The following CKAP4 variants were observed in gnomAD, a reference collection of about 807,000 sequenced individuals.
CKAP4 encodes the protein cytoskeleton associated protein 4.
CKAP4 carries 20 observed loss-of-function variants against 24.4 expected under a neutral mutation model. The observed-to-expected ratio is 0.82, with a 90% CI of 0.58 to 1.19. The LOEUF (loss-of-function observed/expected upper bound fraction) is 1.19, where lower values mean the gene tolerates loss of function less well. Ranked by LOEUF, CKAP4 falls within the 50% of genes most tolerant of loss-of-function variation. The probability of loss-of-function intolerance (pLI) is 0.00; values close to 1 mark genes in which losing one functional copy is unlikely to be tolerated. For synonymous variants in CKAP4, 378 were observed against 351.7 expected, an observed-to-expected ratio of 1.07 and a Z score of -0.84; for missense variants, 744 against 765.3, an observed-to-expected ratio of 0.97 and a Z score of 0.33.
chr12:106,238,661 CCT>C lies in CKAP4; in HGVS notation c.*361_*362del. On this transcript the variant is annotated 3_prime_UTR_variant, in exon 2 of 2. Coordinates refer to ENST00000378026, the MANE Select transcript of CKAP4 (RefSeq NM_006825.4). ...GAAAGAAAAGGGTCCCCCCAACCCACCTTTTTTTTTTTTTTACTTGAAATCTG... is the reference window on the plus strand; with the variant it reads ...GAAAGAAAAGGGTCCCCCCAACCCACTTTTTTTTTTTTTACTTGAAATCTG... 1 of 183,538 alleles carries C rather than the reference CCT, an allele frequency of 5.4e-6. No homozygotes were observed. The highest frequency in any genetic ancestry group is 1.1e-5 in the Non-Finnish European group (1 of 90,106). 11.4% of individuals were successfully genotyped at this position (183,538 alleles called of 1,614,324 possible).
chr12:106,238,124 G>A lies in CKAP4; in HGVS notation c.*900C>T, dbSNP rs533664199. On this transcript the variant is annotated 3_prime_UTR_variant, in exon 2 of 2. Coordinates refer to ENST00000378026, the MANE Select transcript of CKAP4 (RefSeq NM_006825.4). ...CAGTATGCACGCTCCTTGCCGACAG[G>A]GCTGCCCAGACGGCAAACCTCTTCA... The A allele has an allele frequency of 6.6e-6, 1 of 151,512 alleles. No homozygotes were observed. Among genetic ancestry groups the A allele is most frequent in the Non-Finnish European group, 1.5e-5 (1 of 67,864 alleles). The allele number at this position is 151,512 out of a possible 1,614,324, so 9.4% of individuals were successfully genotyped here. A position where few individuals can be genotyped will look rare whatever the true frequency, so the allele number is the denominator to read the frequency against.
chr12:106,240,469 C>T, intron 1 of CKAP4, 120 bp from the exon 2 acceptor site: 1 of 1,173,024 alleles, frequency 8.5e-7, no homozygotes, highest in Non-Finnish European at 1.2e-6. Context: ...CCACAATTTT[C>T]CTTTGGAGAA....
Position 106,247,774 on chromosome 12 carries a change from C to T in CKAP4, c.78G>A (p.Ser26=). The change falls in exon 1 of 2, where the codon TCG becomes TCA. Residue 26 remains serine (S), a synonymous_variant. Transcript: ENST00000378026. This position sits in a 1 kb window ranked among gnomAD's most constrained non-coding sequence, Gnocchi z 4.5. ...TCTTCGCCACGTCATCCGCGCCGCC[C>T]GACGGGTGGGCACCCTTCTCCGAGG... is the stretch of plus-strand genomic sequence containing the variant. The part of the protein sequence containing the change: ...ASPSEKGAHP[S]GGADDVAKKP... 1 of 1,057,328 alleles carries T rather than the reference C, an allele frequency of 9.5e-7. No individual in the cohort carries two copies. Among genetic ancestry groups the T allele is most frequent in the Non-Finnish European group, 1.1e-6 (1 of 881,514 alleles). The allele number at this position is 1,057,328 out of a possible 1,614,324, so 65.5% of individuals were successfully genotyped here. A position where few individuals can be genotyped will look rare whatever the true frequency, so the allele number is the denominator to read the frequency against.
intron 1 of CKAP4, among the ~76,000 whole-genome samples, chr12:106,245,387 T>C (rs1284856969): frequency 1.3e-5 from 2 of 152,100 alleles, no homozygotes; most frequent in South Asian, 2.1e-4. Flanking sequence ...TTAATAAATA[T>C]TATGATTGAC....
chr12:106,239,495 C>T lies in CKAP4; in HGVS notation c.1338G>A (p.Gln446=). 6.2e-7 allele frequency: 1 copy of T among 1,608,226 alleles called. No individual in the cohort carries two copies. The highest frequency in any genetic ancestry group is 8.5e-7 in the Non-Finnish European group (1 of 1,179,582). Residue 446 remains glutamine (Q), a synonymous_variant, in exon 2 of 2, where the codon CAG becomes CAA. Transcript: ENST00000378026. The surrounding 1 kb of genome is among the most constrained non-coding windows in gnomAD (Gnocchi z 4.9). ...GGCGCCCCTGCAGGGCGGCCAGGCGCTGCTCGTGCTCCTGGCTCTTGGACA... is the reference window on the plus strand; with the variant it reads ...GGCGCCCCTGCAGGGCGGCCAGGCGTTGCTCGTGCTCCTGGCTCTTGGACA... ...SLLSKSQEHE[Q]RLAALQGRLE...
chr12:106,240,488 C>T, intron 1 of CKAP4, 139 bp from the exon 2 acceptor site: 1 of 937,914 alleles, frequency 1.1e-6, no homozygotes, highest in Non-Finnish European at 1.6e-6. Flanking sequence ...AAACATCCTT[C>T]CACATATAGT....
chr12:106,247,522 A>G lies in CKAP4; in HGVS notation c.330T>C (p.Phe110=), dbSNP rs1360144538. ...CCGCCACCAGGGCGAGGTAGAAGAG[A>G]AAGTTGAGCGCCCTGCCGAGCCTGC... The part of the protein sequence containing the change: ...CSRRLGRALN[F]LFYLALVAAA... The change falls in exon 1 of 2, where the codon TTT becomes TTC. Residue 110 remains phenylalanine (F), a synonymous_variant. Coordinates refer to ENST00000378026, the MANE Select transcript of CKAP4 (RefSeq NM_006825.4). This position sits in a 1 kb window ranked among gnomAD's most constrained non-coding sequence, Gnocchi z 4.5. 5.9e-6 allele frequency: 9 copies of G among 1,533,498 alleles called. No individual in the cohort carries two copies. In the African/African-American group the frequency reaches 7.0e-5, roughly 12 times the overall value. 95.0% of individuals were successfully genotyped at this position (1,533,498 alleles called of 1,614,324 possible).
rs1006379256 is a variant in CKAP4, at chr12:106,238,936, G to A, written c.*88C>T. The A allele has an allele frequency of 7.0e-7, 1 of 1,425,268 alleles. No individual in the cohort carries two copies. Among genetic ancestry groups the A allele is most frequent in the Admixed American group, 1.9e-5 (1 of 53,264 alleles). The allele number at this position is 1,425,268 out of a possible 1,614,324, so 88.3% of individuals were successfully genotyped here. ...CTCTTTAAGAGGGGACAAGAAATTG[G>A]GGGGTAGGGGACACATGGGAAAAAA... On this transcript the variant is annotated 3_prime_UTR_variant, in exon 2 of 2. Transcript: ENST00000378026.
At chr12:106,241,581 C>T (rs2033971587) in intron 1 of CKAP4, among the ~76,000 whole-genome samples, 1 of 152,162 alleles carries the variant, frequency 6.6e-6, no homozygotes, top group Non-Finnish European at 1.5e-5. Flanking sequence ...GATCCGCCCG[C>T]CTCGGCCTCC....
At chr12:106,242,506 A>G (rs1448224950) in intron 1 of CKAP4, among the ~76,000 whole-genome samples, 1 of 152,190 alleles carries the variant, frequency 6.6e-6, no homozygotes, top group Non-Finnish European at 1.5e-5. Flanking sequence ...ATAGGTCTCT[A>G]AAGTGCTGTC....
rs2033923505 is a variant in CKAP4, at chr12:106,238,014, C to CTTTTTTTTTTT, written c.*1009_*1010insAAAAAAAAAAA. ...CGGGTTTTTTTTTTTTTTTTTTTTT[C>CTTTTTTTTTTT]AATTTTTTTTGGAAGGGCAAGACAG... On this transcript the variant is annotated 3_prime_UTR_variant, in exon 2 of 2. Coordinates refer to ENST00000378026, the MANE Select transcript of CKAP4 (RefSeq NM_006825.4). The CTTTTTTTTTTT allele has an allele frequency of 4.8e-5, 1 of 20,670 alleles. No homozygotes were observed. The highest frequency in any genetic ancestry group is 8.4e-5 in the Non-Finnish European group (1 of 11,928). 1.3% of individuals were successfully genotyped at this position (20,670 alleles called of 1,614,324 possible). A position where few individuals can be genotyped will look rare whatever the true frequency, so the allele number is the denominator to read the frequency against.
Position 106,247,573 on chromosome 12 carries a change from G to A in CKAP4, c.279C>T (p.Ala93=), listed in dbSNP as rs2034024420. 7.0e-7 allele frequency: 1 copy of A among 1,426,262 alleles called. No individual in the cohort carries two copies. The highest frequency in any genetic ancestry group is 1.4e-5 in the South Asian group (1 of 71,296). The allele number at this position is 1,426,262 out of a possible 1,614,324, so 88.4% of individuals were successfully genotyped here. The change falls in exon 1 of 2, where the codon GCC becomes GCT. Residue 93 remains alanine, a synonymous_variant. Coordinates refer to ENST00000378026, the MANE Select transcript of CKAP4 (RefSeq NM_006825.4). This position sits in a 1 kb window ranked among gnomAD's most constrained non-coding sequence, Gnocchi z 4.5. ...GCGAGCAGGACGCCGAGGACGAGGC[G>A]GCGGCGGCGGCAGCGGCGGCGGAGG... ...SSASAAAAAA[A]ASSSASCSRR...
At chr12:106,240,500 C>T in intron 1 of CKAP4, 151 bp from the exon 2 acceptor site, 2 of 890,824 alleles carry the variant, frequency 2.2e-6, no homozygotes, top group Non-Finnish European at 3.3e-6. Flanking sequence ...ACATATAGTC[C>T]ATATGGTTTT....
At chr12:106,240,447 T>C in intron 1 of CKAP4, 98 bp from the exon 2 acceptor site, 2 of 1,351,208 alleles carry the variant, frequency 1.5e-6, no homozygotes, top group Non-Finnish European at 2.0e-6. Flanking sequence ...CCTGTTTTTT[T>C]CCAGAATGTC....
At position 106,239,884 on chromosome 12, in the gene CKAP4, T is replaced by C. The variant is rs765732692; in HGVS notation, c.949A>G (p.Met317Val). ...ACCTCGGTGTAGATGTCAGACTCCA[T>C]AGTCTGAAGGGTACTTCTCAGGGCC... ...MEALRSTLQT[M>V]ESDIYTEVRE... is the part of the protein sequence containing the mutation. The change falls in exon 2 of 2, where the codon ATG becomes GTG. Residue 317 changes from methionine (M) to valine (V), a missense_variant. Physicochemically the swap from Met to Val is conservative, Grantham distance 21. Around this residue, in one of 3 missense-constraint regions of CKAP4, gnomAD observed 401 missense variants for 424.5 expected, o/e 0.94. Transcript: ENST00000378026. This position sits in a 1 kb window ranked among gnomAD's most constrained non-coding sequence, Gnocchi z 4.9. 1.9e-6 allele frequency: 3 copies of C among 1,613,044 alleles called. No homozygotes were observed. Among genetic ancestry groups the C allele is most frequent in the South Asian group, 1.1e-5 (1 of 91,034 alleles).
At chr12:106,243,248 T>A (rs944639330) in intron 1 of CKAP4, among the ~76,000 whole-genome samples, 25 of 152,320 alleles carry the variant, frequency 1.6e-4, no homozygotes, top group African/African-American at 5.8e-4. Context: ...TGAGTTGGTA[T>A]CTCCCAGTGA....
chr12:106,238,987 T>C lies in CKAP4; in HGVS notation c.*37A>G, dbSNP rs1351026681. 18 of 1,591,876 alleles carry C rather than the reference T, an allele frequency of 1.1e-5. No individual in the cohort carries two copies. Among genetic ancestry groups the C allele is most frequent in the Non-Finnish European group, 1.5e-5 (18 of 1,165,588 alleles). ...CCACACATTTTTTGGTCATGAGAAA[T>C]TGGACTTTAAATCCGCGCCCTGCAC... is the stretch of plus-strand genomic sequence containing the variant. On this transcript the variant is annotated 3_prime_UTR_variant, in exon 2 of 2. Coordinates refer to ENST00000378026, the MANE Select transcript of CKAP4 (RefSeq NM_006825.4).
intron 1 of CKAP4, among the ~76,000 whole-genome samples, chr12:106,243,228 C>T (rs151120826): frequency 2.4e-4 from 37 of 152,320 alleles, no homozygotes; most frequent in African/African-American, 8.4e-4. Flanking sequence ...ACACCCTCAC[C>T]ATAATCTCAT....
chr12:106,247,604 G>A lies in CKAP4; in HGVS notation c.248C>T (p.Ser83Phe), dbSNP rs1182101037. 1.9e-5 allele frequency: 25 copies of A among 1,343,148 alleles called. No homozygotes were observed. Among genetic ancestry groups the A allele is most frequent in the Admixed American group, 5.8e-5 (2 of 34,280 alleles). The allele number at this position is 1,343,148 out of a possible 1,614,324, so 83.2% of individuals were successfully genotyped here. ...GGCGGCAGCGGCGGCGGAGGCGGAGGAGGAGGAGGAGGACTTGCCGCCGCC... is the reference window on the plus strand; with the variant it reads ...GGCGGCAGCGGCGGCGGAGGCGGAGAAGGAGGAGGAGGACTTGCCGCCGCC... ...GGGGGKSSSSSSASAAAAAAA... is the reference protein window; with the variant it reads ...GGGGGKSSSSFSASAAAAAAA... Residue 83 changes from serine (S) to phenylalanine (F), a missense_variant, in exon 1 of 2, where the codon TCC becomes TTC. This residue lies in a region of CKAP4 where 300 missense variants were observed against 264.5 expected (regional missense o/e 1.13). Transcript: ENST00000378026. The surrounding 1 kb of genome is among the most constrained non-coding windows in gnomAD (Gnocchi z 4.5).
Sources: gnomAD v4.1 joint callset for allele counts (sites outside exome capture counted in the v4.1 genomes callset) on GRCh38, gnomAD v4.1.1 for gene constraint, gnomAD v4.1.1 regional missense constraint, Gnocchi (gnomAD v3.1) non-coding constraint, MANE v1.5 for transcripts, NCBI Gene and HGNC (gene_info 2026-07-23, HGNC 2026-07-21) for gene names.